The following ARHGAP6 variants were observed in gnomAD, a reference collection of about 807,000 sequenced individuals.
The protein encoded by ARHGAP6 is rho GTPase-activating protein 6.
Under a neutral mutation model 55.7 loss-of-function variants are expected in ARHGAP6, and 16 were observed. The ratio of observed to expected loss-of-function variants is 0.29; its 90% CI spans 0.19 to 0.44. The LOEUF (loss-of-function observed/expected upper bound fraction) is 0.44, where lower values mean the gene tolerates loss of function less well. ARHGAP6 is among the 20% of genes least tolerant of loss of function. ARHGAP6 has a pLI of 1.00. For missense variants in ARHGAP6, 698 were observed against 808.9 expected, an observed-to-expected ratio of 0.86 and a Z score of 1.66; for synonymous variants, 382 against 360.9, an observed-to-expected ratio of 1.06 and a Z score of -0.66.
At chrX:11,379,939 T>A (rs1181324391) in intron 1 of ARHGAP6, among the ~76,000 whole-genome samples, 1 of 111,361 alleles carries the variant, frequency 9.0e-6, no homozygotes, top group East Asian at 2.8e-4. Flanking sequence ...GACATTTTTA[T>A]CCTTTACAAT....
At chrX:11,290,450 C>T in intron 1 of ARHGAP6, 1 of 373,074 alleles carries the variant, frequency 2.7e-6, no homozygotes, top group Admixed American at 2.7e-5. Flanking sequence ...TGGTTTTGTG[C>T]CTAAGATCTG....
At chrX:11,655,987 CAG>C (rs1417683656) in intron 1 of ARHGAP6, among the ~76,000 whole-genome samples, 2 of 112,462 alleles carry the variant, frequency 1.8e-5, no homozygotes, top group African/African-American at 6.5e-5. Context: ...TGACATGTAC[CAG>C]AGTCAAGCTC....
intron 10 of ARHGAP6, among the ~76,000 whole-genome samples, chrX:11,151,573 A>G (rs1364838848): frequency 8.9e-6 from 1 of 112,100 alleles, no homozygotes; most frequent in African/African-American, 3.2e-5. Context: ...CAAATACTTA[A>G]GCAGACAAGC....
At chrX:11,179,911 G>A (rs759114819) in intron 6 of ARHGAP6, among the ~76,000 whole-genome samples, 13 of 109,023 alleles carry the variant, frequency 1.2e-4, no homozygotes, top group Admixed American at 2.0e-4. Flanking sequence ...CTATAAATGT[G>A]GGAGGGAGGA....
intron 1 of ARHGAP6, among the ~76,000 whole-genome samples, chrX:11,422,158 T>C (rs2049830396): frequency 1.8e-5 from 2 of 110,460 alleles, no homozygotes; most frequent in African/African-American, 6.6e-5. Context: ...ATGAGGGAAG[T>C]GGCTAGTGTG....
intron 1 of ARHGAP6, among the ~76,000 whole-genome samples, chrX:11,272,585 C>T (rs1233568246): frequency 3.6e-5 from 4 of 110,285 alleles, no homozygotes; most frequent in South Asian, 4.0e-4. Flanking sequence ...TCTCCCACAC[C>T]GAGAGCATAA....
chrX:11,220,065 A>G (rs1445771016), intron 2 of ARHGAP6, among the ~76,000 whole-genome samples: 9 of 105,204 alleles, frequency 8.6e-5, no homozygotes, highest in African/African-American at 2.8e-4. Context: ...TGATTTTTGT[A>G]TAAGGTGTAA....
chrX:11,619,145 G>GAATAT (rs1007036344), intron 1 of ARHGAP6, among the ~76,000 whole-genome samples: 1 of 112,098 alleles, frequency 8.9e-6, no homozygotes, highest in African/African-American at 3.2e-5. Context: ...TAAAAGCAGA[G>GAATAT]AATAAGTCAA....
intron 2 of ARHGAP6, among the ~76,000 whole-genome samples, chrX:11,214,284 C>CGT (rs397934339): frequency 1.1e-4 from 12 of 109,132 alleles, no homozygotes; most frequent in Non-Finnish European, 5.7e-5. Context: ...CACACACACA[C>CGT]GTGTGTGTGT....
At chrX:11,590,532 T>A (rs1337592224) in intron 1 of ARHGAP6, among the ~76,000 whole-genome samples, 1 of 109,171 alleles carries the variant, frequency 9.2e-6, no homozygotes, top group Non-Finnish European at 1.9e-5. Context: ...ACGCCTGTAA[T>A]CCCAGCACTT....
chrX:11,244,578 A>G (rs772621631), intron 2 of ARHGAP6, among the ~76,000 whole-genome samples: 1 of 112,331 alleles, frequency 8.9e-6, no homozygotes, highest in East Asian at 2.8e-4. Context: ...TTAAATTTCA[A>G]CGTATACGTA....
intron 1 of ARHGAP6, among the ~76,000 whole-genome samples, chrX:11,473,601 A>G (rs2050372196): frequency 9.0e-6 from 1 of 111,521 alleles, no homozygotes; most frequent in Non-Finnish European, 1.9e-5. Flanking sequence ...GCCACTGGAA[A>G]CTAGGAAGAG....
intron 1 of ARHGAP6, among the ~76,000 whole-genome samples, chrX:11,342,574 T>C (rs1282536353): frequency 5.4e-5 from 6 of 112,020 alleles, no homozygotes; most frequent in Non-Finnish European, 3.8e-5. Context: ...GTACTAGGAA[T>C]TATGTCAGGT....
intron 1 of ARHGAP6, among the ~76,000 whole-genome samples, chrX:11,262,797 T>C (rs2047578252): frequency 2.7e-5 from 3 of 111,297 alleles, no homozygotes; most frequent in Admixed American, 1.9e-4. Flanking sequence ...GGTGAAGACT[T>C]GGATTCAGAT....
intron 1 of ARHGAP6, among the ~76,000 whole-genome samples, chrX:11,458,014 A>C (rs1035947986): frequency 2.7e-5 from 3 of 112,258 alleles, no homozygotes; most frequent in African/African-American, 9.7e-5. Flanking sequence ...GAGCAAAGAA[A>C]TAAACCCACA....
At chrX:11,359,702 T>C (rs1454065359) in intron 1 of ARHGAP6, among the ~76,000 whole-genome samples, 37 of 103,169 alleles carry the variant, frequency 3.6e-4, no homozygotes, top group African/African-American at 3.8e-4. Context: ...CTTCAAAAAA[T>C]TAATGAATCC....
intron 1 of ARHGAP6, among the ~76,000 whole-genome samples, chrX:11,497,232 T>C (rs959052144): frequency 1.8e-5 from 2 of 112,216 alleles, no homozygotes; most frequent in African/African-American, 6.5e-5. Flanking sequence ...GTTTGTGTGA[T>C]ACAAATAACT....
chrX:11,162,803 A>AT (rs1427663413), intron 9 of ARHGAP6, among the ~76,000 whole-genome samples: 2 of 111,788 alleles, frequency 1.8e-5, no homozygotes, highest in Non-Finnish European at 3.8e-5. Context: ...TTATCATCAG[A>AT]TTTTTTCTAA....
At chrX:11,477,153 A>G (rs1157248107) in intron 1 of ARHGAP6, among the ~76,000 whole-genome samples, 2 of 95,168 alleles carry the variant, frequency 2.1e-5, no homozygotes, top group Non-Finnish European at 2.1e-5. Flanking sequence ...TGAGAACTTC[A>G]AATATGATAA....
Sources: gnomAD v4.1 joint callset for allele counts (sites outside exome capture counted in the v4.1 genomes callset) on GRCh38, gnomAD v4.1.1 for gene constraint, MANE v1.5 for transcripts, NCBI Gene and HGNC (gene_info 2026-07-23, HGNC 2026-07-21) for gene names.